Variants in TRPC6 observed in about 807,000 individuals in gnomAD.
TRPC6 encodes the protein transient receptor potential cation channel subfamily C member 6, also known as short transient receptor potential channel 6.
In TRPC6, 55 loss-of-function variants were observed where a neutral mutation model predicts 90.7. The ratio of observed to expected loss-of-function variants is 0.61; its 90% confidence interval spans 0.49 to 0.76. The LOEUF is 0.76. Among genes scored for constraint, TRPC6 ranks in the 30% least tolerant of loss-of-function variants. The pLI is 0.00. For missense variants in TRPC6, 989 were observed against 1,122.7 expected, an observed-to-expected ratio of 0.88 and a Z score of 1.70; for synonymous variants, 393 against 393.0, an observed-to-expected ratio of 1.00 and a Z score of 0.00.
At chr11:101,538,701 G>A (rs1156353475) in intron 1 of TRPC6, among the ~76,000 whole-genome samples, 2 of 152,214 alleles carry the variant, frequency 1.3e-5, no homozygotes, top group African/African-American at 4.8e-5. Context: ...ACGTAAGGCA[G>A]AATGAGAGAT....
In TRPC6 at chr11:101,457,127, G is replaced by T. The variant is rs184032723; in HGVS notation, c.2485-2026C>A. Among the ~76,000 whole-genome samples the T allele has an allele frequency of 2.0e-5, 3 of 152,238 alleles. No individual in the cohort carries two copies. The East Asian group carries it at 5.8e-4, about 29-fold the overall frequency. On this transcript the variant is annotated intron_variant, in intron 10 of 12. Coordinates refer to ENST00000344327, the MANE Select transcript of TRPC6 (RefSeq NM_004621.6). ...AATTGAATAGTATTTAAAGCTTAGGGATTTGGGTATTTATAGATGGTGCCA... is the reference window on the plus strand; with the variant it reads ...AATTGAATAGTATTTAAAGCTTAGGTATTTGGGTATTTATAGATGGTGCCA...
At chr11:101,567,774 G>A (rs537116031) in intron 1 of TRPC6, among the ~76,000 whole-genome samples, 1 of 152,266 alleles carries the variant, frequency 6.6e-6, no homozygotes, top group African/African-American at 2.4e-5. Flanking sequence ...GCAGCGGAGG[G>A]GCCTGACTGT....
At chr11:101,549,792 ATAAATAGG>A in intron 1 of TRPC6, among the ~76,000 whole-genome samples, 1 of 151,502 alleles carries the variant, frequency 6.6e-6, no homozygotes, top group Non-Finnish European at 1.5e-5. Context: ...GCCCTAATAG[ATAAATAGG>A]TAAATTTCAT....
In TRPC6 at chr11:101,491,902, A is replaced by G. The variant is rs576222974; in HGVS notation, c.946-164T>C. On this transcript the variant is annotated intron_variant, in intron 2 of 12. Coordinates refer to ENST00000344327, the MANE Select transcript of TRPC6 (RefSeq NM_004621.6). ...GTTGCCCAGGCTGGAGTGCAGTGGC[A>G]CAATCTTGGCTCACTGCAAGATCCG... Among the ~76,000 whole-genome samples the G allele has an allele frequency of 7.6e-5, 10 of 130,918 alleles. No homozygotes were observed. In the East Asian group the frequency reaches 1.3e-3, roughly 17 times the overall value. The allele number at this position is 130,918 out of a possible 152,430, so 85.9% of individuals were successfully genotyped here.
intron 1 of TRPC6, among the ~76,000 whole-genome samples, chr11:101,508,224 G>A (rs927897548): frequency 6.6e-6 from 1 of 151,972 alleles, no homozygotes; most frequent in South Asian, 2.1e-4. Flanking sequence ...TTTGGTCTCT[G>A]TATTTCATAG....
At position 101,452,856 on chromosome 11, in the gene TRPC6, G is replaced by T; in HGVS notation, c.*99C>A. The T allele has an allele frequency of 7.1e-7, 1 of 1,412,320 alleles. No individual in the cohort carries two copies. The highest frequency in any genetic ancestry group is 9.9e-7 in the Non-Finnish European group (1 of 1,009,646). 87.5% of individuals were successfully genotyped at this position (1,412,320 alleles called of 1,614,324 possible). A position where few individuals can be genotyped will look rare whatever the true frequency, so the allele number is the denominator to read the frequency against. ...GGCCCAAGTTATTTAACGTTTTCTT[G>T]TTTAAAAGGTGGGCCCATTGGCACT... is the stretch of plus-strand genomic sequence containing the variant. On this transcript the variant is annotated 3_prime_UTR_variant, in exon 13 of 13. Transcript: ENST00000344327.
intron 1 of TRPC6, among the ~76,000 whole-genome samples, chr11:101,557,085 G>A (rs1861578920): frequency 2.0e-5 from 3 of 152,180 alleles, no homozygotes. Context: ...GCTGGGCATG[G>A]TGGCTCATGC....
chr11:101,474,600 ATTTT>A (rs1391128065), intron 6 of TRPC6, among the ~76,000 whole-genome samples: 1 of 152,156 alleles, frequency 6.6e-6, no homozygotes, highest in Non-Finnish European at 1.5e-5. Context: ...ATAGCTTTGA[ATTTT>A]TTTAATTAAG....
chr11:101,496,047 G>A (rs911179385), intron 2 of TRPC6, among the ~76,000 whole-genome samples: 10 of 151,814 alleles, frequency 6.6e-5, no homozygotes, highest in Non-Finnish European at 1.3e-4. Context: ...GGAAGGCAAA[G>A]GGGAAGCAAG....
At chr11:101,561,286 A>T (rs1861705725) in intron 1 of TRPC6, among the ~76,000 whole-genome samples, 2 of 152,074 alleles carry the variant, frequency 1.3e-5, no homozygotes, top group Admixed American at 1.3e-4. Context: ...AGCAACAAAA[A>T]CTCAGTCTCA....
At chr11:101,475,920 A>G (rs573745787) in intron 6 of TRPC6, among the ~76,000 whole-genome samples, 1 of 151,466 alleles carries the variant, frequency 6.6e-6, no homozygotes, top group Admixed American at 6.6e-5. Flanking sequence ...ACGTGTATAT[A>G]TACATATACA....
At chr11:101,465,451 C>A (rs1028758364) in intron 10 of TRPC6, among the ~76,000 whole-genome samples, 2 of 152,144 alleles carry the variant, frequency 1.3e-5, no homozygotes, top group African/African-American at 2.4e-5. Context: ...GGTCTTTCCA[C>A]GTAGTCCCAT....
At position 101,583,863 on chromosome 11, in the gene TRPC6, A is replaced by T. The variant is rs192759166; in HGVS notation, c.-360T>A. The T allele has an allele frequency of 1.3e-5, 3 of 222,472 alleles. No individual in the cohort carries two copies. The highest frequency in any genetic ancestry group is 2.6e-5 in the Non-Finnish European group (3 of 114,746). The allele number at this position is 222,472 out of a possible 1,614,324, so 13.8% of individuals were successfully genotyped here. A position where few individuals can be genotyped will look rare whatever the true frequency, so the allele number is the denominator to read the frequency against. ...AGGGAGACGGAGCTGAAGAGTTACTATGTCAACAGAGACTCTCCAGCCCTC... is the reference window on the plus strand; with the variant it reads ...AGGGAGACGGAGCTGAAGAGTTACTTTGTCAACAGAGACTCTCCAGCCCTC... On this transcript the variant is annotated 5_prime_UTR_variant, in exon 1 of 13. Coordinates refer to ENST00000344327, the MANE Select transcript of TRPC6 (RefSeq NM_004621.6).
intron 2 of TRPC6, among the ~76,000 whole-genome samples, chr11:101,500,732 C>A (rs1860098568): frequency 6.6e-6 from 1 of 151,856 alleles, no homozygotes; most frequent in South Asian, 2.1e-4. Flanking sequence ...TTTTAAGAGA[C>A]TTTACAATAA....
rs547019048 is a variant in TRPC6 at position 101,500,592 on chromosome 11, C to T, written c.945+3432G>A. Among the ~76,000 whole-genome samples the T allele has an allele frequency of 2.0e-5, 3 of 152,148 alleles. No individual in the cohort carries two copies. In the South Asian group the frequency reaches 6.2e-4, roughly 32 times the overall value. On this transcript the variant is annotated intron_variant, in intron 2 of 12. Coordinates refer to ENST00000344327, the MANE Select transcript of TRPC6 (RefSeq NM_004621.6). ...TAATAGATATAAAGACAACTCTTTC[C>T]AGAGTATTTTCAATATCCAGAGCCT... is the stretch of plus-strand genomic sequence containing the variant.
intron 2 of TRPC6, among the ~76,000 whole-genome samples, chr11:101,496,208 C>T (rs1011752114): frequency 1.1e-4 from 17 of 152,256 alleles, no homozygotes; most frequent in Admixed American, 5.2e-4. Flanking sequence ...CAGTCATCTC[C>T]TACCAGGCCC....
chr11:101,492,439 G>A (rs2136709680), intron 2 of TRPC6, among the ~76,000 whole-genome samples: 1 of 152,116 alleles, frequency 6.6e-6, no homozygotes, highest in Non-Finnish European at 1.5e-5. Flanking sequence ...GAAAAAATTA[G>A]CCGGGAGTGG....
intron 1 of TRPC6, among the ~76,000 whole-genome samples, chr11:101,511,677 C>T (rs888167391): frequency 2.6e-5 from 4 of 152,004 alleles, no homozygotes; most frequent in Admixed American, 2.0e-4. Flanking sequence ...GATCCAGAAG[C>T]AGAGATTTTC....
At chr11:101,535,548 T>C (rs1302844184) in intron 1 of TRPC6, among the ~76,000 whole-genome samples, 2 of 152,264 alleles carry the variant, frequency 1.3e-5, no homozygotes, top group Admixed American at 1.3e-4. Context: ...ACCTCAAATA[T>C]AGAACATACA....
Sources: allele counts gnomAD v4.1 joint callset (sites outside exome capture counted in the v4.1 genomes callset), GRCh38; gene constraint gnomAD v4.1.1; transcripts MANE v1.5; gene names NCBI Gene and HGNC (gene_info 2026-07-23, HGNC 2026-07-21).